The following TTC12 variants were observed in gnomAD, a reference collection of about 807,000 sequenced individuals.
The protein encoded by TTC12 is tetratricopeptide repeat protein 12.
TTC12 carries 70 observed loss-of-function variants against 90.1 expected under a neutral mutation model. The ratio of observed to expected loss-of-function variants is 0.78; its 90% CI spans 0.64 to 0.95. The LOEUF (loss-of-function observed/expected upper bound fraction) is 0.95. Among genes scored for constraint, TTC12 ranks in the 40% least tolerant of loss-of-function variants. The probability of loss-of-function intolerance (pLI) is 0.00; values close to 1 mark genes in which losing one functional copy is unlikely to be tolerated. For missense variants in TTC12, 819 were observed against 846.1 expected, an observed-to-expected ratio of 0.97 and a Z score of 0.40; for synonymous variants, 296 against 311.5, an observed-to-expected ratio of 0.95 and a Z score of 0.53.
At chr11:113,351,535 C>G (rs552134842) in intron 15 of TTC12, among the ~76,000 whole-genome samples, 1 of 152,296 alleles carries the variant, frequency 6.6e-6, no homozygotes, top group South Asian at 2.1e-4. Flanking sequence ...TGGGTGGCAT[C>G]TTAAGTGAAG....
intron 18 of TTC12, among the ~76,000 whole-genome samples, chr11:113,361,048 G>T (rs1488861710): frequency 6.6e-6 from 1 of 152,180 alleles, no homozygotes; most frequent in Non-Finnish European, 1.5e-5. Flanking sequence ...GATTTCCCCA[G>T]CATTCCTTGT....
At chr11:113,316,414 CT>C in intron 2 of TTC12, 99 bp downstream of exon 2, 1 of 515,856 alleles carries the variant, frequency 1.9e-6, no homozygotes. Context: ...GTTTATAACT[CT>C]TAGGAAAAAA....
At chr11:113,359,894 T>A in intron 17 of TTC12, 46 bp from the exon 18 acceptor site, 1 of 1,476,694 alleles carries the variant, frequency 6.8e-7, no homozygotes, top group Non-Finnish European at 9.3e-7. Context: ...GAATTCAGAT[T>A]GTCAGAAAAT....
intron 17 of TTC12, 96 bp downstream of exon 17, chr11:113,359,557 A>T (rs1949801392): frequency 1.2e-6 from 1 of 837,824 alleles, no homozygotes; most frequent in African/African-American, 1.7e-5. Flanking sequence ...AGACAGAAGC[A>T]TGTACACTCA....
chr11:113,325,364 C>T (rs1224656755), intron 5 of TTC12, among the ~76,000 whole-genome samples, 160 bp from the exon 6 acceptor site: 1 of 152,078 alleles, frequency 6.6e-6, no homozygotes, highest in Non-Finnish European at 1.5e-5. Context: ...CTTGAAGAAG[C>T]TGGTCCTGAA....
intron 12 of TTC12, among the ~76,000 whole-genome samples, chr11:113,342,294 T>C (rs1218541216): frequency 3.3e-5 from 5 of 152,210 alleles, no homozygotes; most frequent in African/African-American, 1.2e-4. Context: ...TCCTGAGATT[T>C]ACAGTCATCC....
chr11:113,319,678 GA>G (rs142673385), intron 2 of TTC12, among the ~76,000 whole-genome samples: 24,633 of 139,568 alleles, frequency 0.18, 2,128 homozygotes, highest in South Asian at 0.3. Context: ...AACTCTGCAG[GA>G]AAAAAAAAAA....
At chr11:113,318,775 AGT>A (rs1555136958) in intron 2 of TTC12, among the ~76,000 whole-genome samples, 1 of 152,168 alleles carries the variant, frequency 6.6e-6, no homozygotes, top group African/African-American at 2.4e-5. Flanking sequence ...GTGAAGAAAG[AGT>A]GTGGTGCTTT....
intron 11 of TTC12, 106 bp from the exon 12 acceptor site, chr11:113,341,731 C>T: frequency 1.1e-6 from 1 of 883,598 alleles, no homozygotes. Flanking sequence ...ACTATACTTT[C>T]TCAAACCTGT....
rs374698110 is a variant in TTC12 at position 113,363,852 on chromosome 11, T to C, written c.1741T>C (p.Tyr581His). The C allele has an allele frequency of 1.2e-6, 2 of 1,612,864 alleles. No homozygotes were observed. Among genetic ancestry groups the C allele is most frequent in the Non-Finnish European group, 1.7e-6 (2 of 1,179,046 alleles). The change falls in exon 20 of 22, where the codon TAT becomes CAT. Residue 581 changes from tyrosine (Y) to histidine (H), a missense_variant. Tyr to His is a moderately conservative substitution (Grantham distance 83). Transcript: ENST00000529221. ...GACAGGAGGTGAGACTGCATCACGT[T>C]ATGCTATAAAGATACTAGCTATCTG... ...LKTGGETASRYAIKILAICTN... is the reference protein window; with the variant it reads ...LKTGGETASRHAIKILAICTN...
chr11:113,325,697 C>G, intron 6 of TTC12, 52 bp downstream of exon 6: 1 of 1,600,892 alleles, frequency 6.2e-7, no homozygotes, highest in Non-Finnish European at 8.5e-7. Flanking sequence ...ATAGTTGCCA[C>G]TAAACTTGGG....
chr11:113,362,112 G>A (rs1011979531), intron 18 of TTC12, among the ~76,000 whole-genome samples: 1 of 152,152 alleles, frequency 6.6e-6, no homozygotes, highest in Non-Finnish European at 1.5e-5. Context: ...GCTGATATCA[G>A]AGCTCTGGGA....
intron 17 of TTC12, among the ~76,000 whole-genome samples, 158 bp from the exon 18 acceptor site, chr11:113,359,782 C>T (rs1477040990): frequency 1.3e-5 from 2 of 152,178 alleles, no homozygotes; most frequent in Non-Finnish European, 2.9e-5. Context: ...GGGAGACAGA[C>T]ATGGGGAGGA....
chr11:113,371,999 T>C (rs1326691973), intron 21 of TTC12, among the ~76,000 whole-genome samples: 1 of 152,174 alleles, frequency 6.6e-6, no homozygotes, highest in African/African-American at 2.4e-5. Flanking sequence ...CACCCGGCCA[T>C]CCCTATATGC....
intron 9 of TTC12, 67 bp from the exon 10 acceptor site, chr11:113,339,219 G>C (rs1468794953): frequency 7.6e-7 from 1 of 1,321,512 alleles, no homozygotes; most frequent in Non-Finnish European, 1.0e-6. Context: ...GAAAAAAAAA[G>C]GTTGCTTCTT....
intron 19 of TTC12, among the ~76,000 whole-genome samples, 190 bp from the exon 20 acceptor site, chr11:113,363,638 G>C (rs1287879013): frequency 6.6e-6 from 1 of 152,222 alleles, no homozygotes; most frequent in Non-Finnish European, 1.5e-5. Flanking sequence ...CTGGGTTAGA[G>C]AGGATGCGGG....
chr11:113,372,840 A>G (rs1950420588), intron 21 of TTC12, among the ~76,000 whole-genome samples: 1 of 152,112 alleles, frequency 6.6e-6, no homozygotes, highest in Non-Finnish European at 1.5e-5. Flanking sequence ...GTCATTGCTC[A>G]CTATGGTGTT....
chr11:113,362,975 T>C (rs987544435), intron 19 of TTC12, among the ~76,000 whole-genome samples: 2 of 152,172 alleles, frequency 1.3e-5, no homozygotes, highest in East Asian at 3.9e-4. Context: ...ATGAGTGTGG[T>C]GAATCTAAGC....
chr11:113,334,933 A>G, intron 7 of TTC12, 33 bp from the exon 8 acceptor site: 1 of 1,578,366 alleles, frequency 6.3e-7, no homozygotes, highest in Non-Finnish European at 8.7e-7. Context: ...CACATCTTCT[A>G]AAACTTCTGA....
Sources: gnomAD v4.1 joint callset for allele counts (sites outside exome capture counted in the v4.1 genomes callset) on GRCh38, gnomAD v4.1.1 for gene constraint, MANE v1.5 for transcripts, NCBI Gene and HGNC (gene_info 2026-07-23, HGNC 2026-07-21) for gene names.